Variants in COQ8B observed in about 807,000 individuals in gnomAD.
COQ8B encodes the protein atypical kinase COQ8B, mitochondrial.
A neutral mutation model predicts 62.0 loss-of-function variants in COQ8B; 44 were observed. That is an observed-to-expected ratio of 0.71 (90% CI 0.56 to 0.91). COQ8B has a LOEUF of 0.91. Ranked by LOEUF, COQ8B falls within the 40% of genes least tolerant of loss-of-function variation. The pLI is 0.00. For synonymous variants in COQ8B, 252 were observed against 289.9 expected, an observed-to-expected ratio of 0.87 and a Z score of 1.33; for missense variants, 649 against 731.6, an observed-to-expected ratio of 0.89 and a Z score of 1.30.
intron 7 of COQ8B, 48 bp from the exon 8 acceptor site, chr19:40,703,903 C>T: frequency 6.4e-7 from 1 of 1,566,782 alleles, no homozygotes; most frequent in Non-Finnish European, 8.7e-7. Context: ...AGTTCATTCC[C>T]CAGGCTGAGT....
intron 14 of COQ8B, among the ~76,000 whole-genome samples, chr19:40,692,660 A>G (rs2081982701): frequency 6.6e-6 from 1 of 151,908 alleles, no homozygotes; most frequent in African/African-American, 2.4e-5. Flanking sequence ...TCCTGAACAG[A>G]TCCACGGTGC....
chr19:40,702,997 G>A (rs968634460), intron 9 of COQ8B, among the ~76,000 whole-genome samples: 1 of 151,968 alleles, frequency 6.6e-6, no homozygotes, highest in Non-Finnish European at 1.5e-5. Context: ...GTTCCCCGGG[G>A]TCTTCCGAAG....
At chr19:40,702,471 A>G in intron 10 of COQ8B, 129 bp downstream of exon 10, 1 of 880,538 alleles carries the variant, frequency 1.1e-6, no homozygotes, top group Non-Finnish European at 1.9e-6. Flanking sequence ...AGGATGGATG[A>G]ACAATGATTG....
At chr19:40,714,226 GGGGGCCAGCAGTATTCGT>G (rs2082166572) in intron 3 of COQ8B, 34 bp downstream of exon 3, 1 of 1,605,996 alleles carries the variant, frequency 6.2e-7, no homozygotes, top group Admixed American at 1.7e-5. Context: ...CCCAAGCTCA[GGGGGCCAGCAGTATTCGT>G]GGGGTGTTGC....
intron 5 of COQ8B, among the ~76,000 whole-genome samples, chr19:40,709,061 G>A (rs768992569): frequency 6.6e-5 from 10 of 152,120 alleles, no homozygotes; most frequent in Admixed American, 1.3e-4. Context: ...TTATCTGTGC[G>A]TGTACCCACA....
At chr19:40,710,932 G>C (rs1475123043) in intron 4 of COQ8B, among the ~76,000 whole-genome samples, 6 of 152,196 alleles carry the variant, frequency 3.9e-5, no homozygotes, top group Middle Eastern at 6.8e-3. Flanking sequence ...AGGAGGTCGA[G>C]ACCAGCCTGG....
At chr19:40,705,540 A>G in intron 5 of COQ8B, 93 bp from the exon 6 acceptor site, 1 of 1,390,168 alleles carries the variant, frequency 7.2e-7, no homozygotes, top group Non-Finnish European at 9.5e-7. Flanking sequence ...GCACTTTGGG[A>G]GACCCAGGCG....
chr19:40,705,578 C>A (rs1599633603), intron 5 of COQ8B, 131 bp from the exon 6 acceptor site: 1 of 981,820 alleles, frequency 1.0e-6, no homozygotes, highest in Non-Finnish European at 1.4e-6. Flanking sequence ...TGAGACCAGT[C>A]TGGGCAACAG....
chr19:40,703,511 G>A (rs746820700), intron 9 of COQ8B, 30 bp downstream of exon 9: 15 of 1,575,846 alleles, frequency 9.5e-6, no homozygotes, highest in South Asian at 2.3e-5. Context: ...CCCTTTGGGA[G>A]GTCAGCAGAG....
In COQ8B at chr19:40,714,053, A is replaced by G. The variant is rs553029900; in HGVS notation, c.289+14T>C. On this transcript the variant is annotated intron_variant, in intron 4 of 14. Coordinates refer to ENST00000324464, the MANE Select transcript of COQ8B (RefSeq NM_024876.4). Reference sequence around the variant, plus strand: ...AATTGAGGTCACACCAAGATCCCCCAAAGTCACACCTACCCCCAAAGTTGG... The same window carrying G: ...AATTGAGGTCACACCAAGATCCCCCGAAGTCACACCTACCCCCAAAGTTGG... 1.9e-6 allele frequency: 3 copies of G among 1,613,904 alleles called. No individual in the cohort carries two copies. The highest frequency in any genetic ancestry group is 2.2e-5 in the East Asian group (1 of 44,860).
intron 1 of COQ8B, chr19:40,715,008 C>CCCG: frequency 2.0e-6 from 2 of 989,144 alleles, no homozygotes; most frequent in Non-Finnish European, 2.4e-6. Context: ...TCCCCCCGCC[C>CCCG]GATCCCCACC....
intron 7 of COQ8B, 92 bp from the exon 8 acceptor site, chr19:40,703,947 A>C (rs2082081348): frequency 1.4e-6 from 2 of 1,441,370 alleles, no homozygotes; most frequent in Non-Finnish European, 1.9e-6. Context: ...CACTCACCAC[A>C]TGCAGGGCCC....
chr19:40,709,918 C>A, intron 5 of COQ8B, 141 bp downstream of exon 5: 1 of 765,850 alleles, frequency 1.3e-6, no homozygotes, highest in Non-Finnish European at 2.2e-6. Flanking sequence ...CAAAGCACTT[C>A]ACAATGACTC....
At chr19:40,703,003 C>T (rs1031653417) in intron 9 of COQ8B, among the ~76,000 whole-genome samples, 13 of 152,136 alleles carry the variant, frequency 8.5e-5, no homozygotes, top group South Asian at 2.1e-4. Flanking sequence ...CGGGGTCTTC[C>T]GAAGCCTTTT....
chr19:40,710,135 T>A lies in COQ8B; in HGVS notation c.291A>T (p.Gly97=). 6.2e-7 allele frequency: 1 copy of A among 1,614,040 alleles called. No individual in the cohort carries two copies. The highest frequency in any genetic ancestry group is 8.5e-7 in the Non-Finnish European group (1 of 1,179,928). Residue 97 remains glycine, a splice_region_variant and synonymous_variant, in exon 5 of 15, where the codon GGA becomes GGT. Transcript: ENST00000324464. ...SRISRLANFG[G]LAVGLGLGVL... Reference sequence around the variant, plus strand: ...CTCCTAGCCCCAAGCCCACAGCCAGTCCTGGAGTGCAAGAGAAGAACATGA... The same window carrying A: ...CTCCTAGCCCCAAGCCCACAGCCAGACCTGGAGTGCAAGAGAAGAACATGA...
intron 12 of COQ8B, 84 bp from the exon 13 acceptor site, chr19:40,696,138 T>C: frequency 6.9e-7 from 1 of 1,450,708 alleles, no homozygotes; most frequent in Non-Finnish European, 9.7e-7. Flanking sequence ...TCTGTCTCCC[T>C]CCCCATGACC....
Position 40,714,650 on chromosome 19 carries a change from G to A in COQ8B, c.-3-15C>T, listed in dbSNP as rs755208898. 3.1e-5 allele frequency: 49 copies of A among 1,581,140 alleles called. No individual in the cohort carries two copies. In the Middle Eastern group the frequency reaches 5.1e-4, roughly 16 times the overall value. ...AGCCACATTGCCTGGAGGAGAAGAG[G>A]AGGGATTATTCAGGTGGGAGTTGCC... On this transcript the variant is annotated splice_polypyrimidine_tract_variant and intron_variant, in intron 1 of 14. Transcript: ENST00000324464.
chr19:40,696,962 C>A (rs1308482668), intron 12 of COQ8B, among the ~76,000 whole-genome samples: 1 of 152,206 alleles, frequency 6.6e-6, no homozygotes, highest in African/African-American at 2.4e-5. Flanking sequence ...ATGTGTCGCT[C>A]CAGCTCAGTC....
chr19:40,709,433 A>G (rs2082124190), intron 5 of COQ8B, among the ~76,000 whole-genome samples: 1 of 152,220 alleles, frequency 6.6e-6, no homozygotes, highest in African/African-American at 2.4e-5. Context: ...TTATAACGGC[A>G]AATGCTACAC....
Sources: allele counts gnomAD v4.1 joint callset (sites outside exome capture counted in the v4.1 genomes callset), GRCh38; gene constraint gnomAD v4.1.1; transcripts MANE v1.5; gene names NCBI Gene and HGNC (gene_info 2026-07-23, HGNC 2026-07-21).